The following CCDC138 variants were observed in gnomAD, a reference collection of about 807,000 sequenced individuals.
CCDC138 encodes coiled-coil domain containing 138, also known as coiled-coil domain-containing protein 138.
In CCDC138, 66 loss-of-function variants were observed where a neutral mutation model predicts 82.3. The ratio of observed to expected loss-of-function variants is 0.80; its 90% CI spans 0.66 to 0.98. The LOEUF (loss-of-function observed/expected upper bound fraction) is 0.98, where lower values mean the gene tolerates loss of function less well. Ranked by LOEUF, CCDC138 falls within the 50% of genes least tolerant of loss-of-function variation. CCDC138 has a pLI of 0.00. For synonymous variants in CCDC138, 297 were observed against 265.4 expected (o/e 1.12, Z -1.16); for missense variants, 816 against 758.9 (o/e 1.08, Z -0.88).
intron 6 of CCDC138, among the ~76,000 whole-genome samples, chr2:108,803,860 A>G (rs1682399201): frequency 6.6e-6 from 1 of 152,234 alleles, no homozygotes; most frequent in South Asian, 2.1e-4. Flanking sequence ...TAGAAATGGA[A>G]TGCATATGTT....
rs572176998 is a variant in CCDC138 at position 108,857,204 on chromosome 2, G to A, written c.1693+234G>A. On this transcript the variant is annotated intron_variant, in intron 13 of 14. Transcript: ENST00000295124. Reference sequence around the variant, plus strand: ...AGCAATTCTCCTGCCTCAGCCTCCCGAGTAGCTGGGATTACAGGCACACGC... The same window carrying A: ...AGCAATTCTCCTGCCTCAGCCTCCCAAGTAGCTGGGATTACAGGCACACGC... Among the ~76,000 whole-genome samples, 13 of 148,050 alleles carry A rather than the reference G, an allele frequency of 8.8e-5. No homozygotes were observed. In the East Asian group the frequency reaches 2.6e-3, roughly 30 times the overall value.
At chr2:108,860,797 C>T (rs926207665) in intron 13 of CCDC138, among the ~76,000 whole-genome samples, 1 of 151,888 alleles carries the variant, frequency 6.6e-6, no homozygotes, top group Non-Finnish European at 1.5e-5. Context: ...ATTTTGGCAT[C>T]AGTATGATAC....
At chr2:108,878,010 A>G (rs1019512849), downstream of CCDC138, among the ~76,000 whole-genome samples, 12 of 152,222 alleles carry the variant, frequency 7.9e-5, no homozygotes, top group African/African-American at 2.9e-4. Flanking sequence ...AGTGAAGACA[A>G]TGGAATGACA....
chr2:108,832,771 T>C (rs1276269549), intron 10 of CCDC138, among the ~76,000 whole-genome samples: 16 of 152,110 alleles, frequency 1.1e-4, no homozygotes, highest in Non-Finnish European at 5.9e-5. Context: ...CACCTAGTAG[T>C]TGAAGGAGGA....
At chr2:108,857,016 T>G in intron 13 of CCDC138, 46 bp downstream of exon 13, 1 of 1,085,486 alleles carries the variant, frequency 9.2e-7, no homozygotes, top group South Asian at 1.5e-5. Flanking sequence ...GGATGATTTT[T>G]CTGTCTTTAT....
chr2:108,799,804 T>C (rs1190986575), intron 6 of CCDC138, among the ~76,000 whole-genome samples: 1 of 152,196 alleles, frequency 6.6e-6, no homozygotes, highest in Non-Finnish European at 1.5e-5. Context: ...CCATTCCTTT[T>C]TTTCCCATTA....
At chr2:108,791,415 T>A in intron 3 of CCDC138, 1 of 451,664 alleles carries the variant, frequency 2.2e-6, no homozygotes, top group Non-Finnish European at 4.1e-6. Flanking sequence ...TCCTTAGCTG[T>A]AGAATATACC....
intron 13 of CCDC138, among the ~76,000 whole-genome samples, chr2:108,862,673 A>C (rs946118541): frequency 1.3e-5 from 2 of 152,248 alleles, no homozygotes; most frequent in Non-Finnish European, 2.9e-5. Flanking sequence ...GTAAAGATAT[A>C]TAATTTTCAT....
rs1358829157 is a variant in CCDC138, at chr2:108,856,946, T to C, written c.1669T>C (p.Leu557=). 1 of 1,607,048 alleles carries C rather than the reference T, an allele frequency of 6.2e-7. No homozygotes were observed. Among genetic ancestry groups the C allele is most frequent in the Non-Finnish European group, 8.5e-7 (1 of 1,177,394 alleles). Residue 557 remains leucine, a synonymous_variant, in exon 13 of 15, where the codon TTG becomes CTG. Transcript: ENST00000295124. ...ACTCCTGTCTAATGTTATTGATAGT[T>C]TGCTCCAGATGACGGTGGAATCTAG... ...KGLLSNVIDS[L]LQMTVESKSL...
At chr2:108,850,879 T>TC (rs987992534) in intron 12 of CCDC138, among the ~76,000 whole-genome samples, 1 of 152,076 alleles carries the variant, frequency 6.6e-6, no homozygotes, top group Non-Finnish European at 1.5e-5. Context: ...TGGAGGTTTT[T>TC]CCCCACATAC....
At chr2:108,881,984 AAG>A (rs1344788141) in intron 1 of CCDC138, among the ~76,000 whole-genome samples, 2 of 152,030 alleles carry the variant, frequency 1.3e-5, no homozygotes, top group Non-Finnish European at 2.9e-5. Context: ...TTTCTACAAA[AAG>A]AGCAAAAACA....
At chr2:108,833,788 C>T (rs1419346994) in intron 10 of CCDC138, among the ~76,000 whole-genome samples, 5 of 140,876 alleles carry the variant, frequency 3.5e-5, no homozygotes, top group South Asian at 2.2e-4. Context: ...AGTGCAGTGG[C>T]GTGATCTCGG....
intron 5 of CCDC138, among the ~76,000 whole-genome samples, chr2:108,797,173 A>G (rs544710250): frequency 2.6e-5 from 4 of 152,304 alleles, no homozygotes; most frequent in African/African-American, 7.2e-5. Flanking sequence ...GGTATAAGGA[A>G]TGAGAAGGAA....
At chr2:108,826,468 C>T (rs1402783589) in intron 10 of CCDC138, among the ~76,000 whole-genome samples, 2 of 151,944 alleles carry the variant, frequency 1.3e-5, no homozygotes, top group African/African-American at 2.4e-5. Flanking sequence ...CATTTTTTAC[C>T]TGTAGATACC....
intron 7 of CCDC138, among the ~76,000 whole-genome samples, chr2:108,811,506 G>T (rs369186541): frequency 4.6e-5 from 7 of 151,952 alleles, no homozygotes; most frequent in African/African-American, 1.7e-4. Flanking sequence ...CCCTCCCAAA[G>T]TGCTGGGATT....
rs575596325 is a variant in CCDC138 at position 108,869,359 on chromosome 2, A to G, written c.1694-4092A>G. On this transcript the variant is annotated intron_variant, in intron 13 of 14. Coordinates refer to ENST00000295124, the MANE Select transcript of CCDC138 (RefSeq NM_144978.3). ...AGAGAAGTAAATGGCCCAGTTCTCCATTCCCTTCCTCAGGAGAGAAGGATT... is the reference window on the plus strand; with the variant it reads ...AGAGAAGTAAATGGCCCAGTTCTCCGTTCCCTTCCTCAGGAGAGAAGGATT... 2.6e-5 allele frequency among the ~76,000 whole-genome samples: 4 copies of G among 152,306 alleles called. No individual in the cohort carries two copies. In the East Asian group the frequency reaches 7.7e-4, roughly 29 times the overall value.
At chr2:108,797,392 G>A (rs1283208082) in intron 5 of CCDC138, among the ~76,000 whole-genome samples, 1 of 152,126 alleles carries the variant, frequency 6.6e-6, no homozygotes, top group African/African-American at 2.4e-5. Flanking sequence ...AATAAAATAA[G>A]GACTGAAAAG....
rs867487787 is a variant in CCDC138, at chr2:108,875,335, A to C, written c.1833-753A>C. ...AAAGTATAATAAAAAAAAAAAAAAA[A>C]AGAAACAAATTCTTAATGATTGAAA... On this transcript the variant is annotated intron_variant, in intron 14 of 14. Coordinates refer to ENST00000295124, the MANE Select transcript of CCDC138 (RefSeq NM_144978.3). 4.0e-3 allele frequency among the ~76,000 whole-genome samples: 493 copies of C among 124,688 alleles called. 4 individuals carry two copies. Among genetic ancestry groups the C allele is most frequent in the African/African-American group, 0.012 (457 of 36,670 alleles). 81.8% of individuals were successfully genotyped at this position (124,688 alleles called of 152,430 possible). A position where few individuals can be genotyped will look rare whatever the true frequency, so the allele number is the denominator to read the frequency against.
At chr2:108,840,071 G>A (rs183765683) in intron 11 of CCDC138, among the ~76,000 whole-genome samples, 21 of 151,994 alleles carry the variant, frequency 1.4e-4, no homozygotes, top group Non-Finnish European at 1.0e-4. Flanking sequence ...ATCATGAATC[G>A]TGTTGAATTT....
Sources: gnomAD v4.1 joint callset for allele counts (sites outside exome capture counted in the v4.1 genomes callset) on GRCh38, gnomAD v4.1.1 for gene constraint, MANE v1.5 for transcripts, NCBI Gene and HGNC (gene_info 2026-07-23, HGNC 2026-07-21) for gene names.